Variants in ATXN1 observed in about 807,000 individuals in gnomAD.
The protein encoded by ATXN1 is ataxin-1.
In ATXN1, 8 loss-of-function variants were observed where a neutral mutation model predicts 56.4. The ratio of observed to expected loss-of-function variants is 0.14; its 90% CI spans 0.08 to 0.26. ATXN1 has a LOEUF of 0.26. Among genes scored for constraint, ATXN1 ranks in the 10% least tolerant of loss-of-function variants. The pLI is 1.00. For synonymous variants in ATXN1, 514 were observed against 494.6 expected (o/e 1.04, Z -0.52); for missense variants, 987 against 1,106.5 (o/e 0.89, Z 1.53).
chr6:16,553,242 T>G (rs932982027), intron 4 of ATXN1, among the ~76,000 whole-genome samples: 6 of 152,228 alleles, frequency 3.9e-5, no homozygotes, highest in Non-Finnish European at 8.8e-5. Flanking sequence ...TCTCGAACAC[T>G]TATTACAAAT....
chr6:16,306,460 T>A lies in ATXN1; in HGVS notation c.2317A>T (p.Arg773Trp). Reference sequence around the variant, plus strand: ...TTGCGGCTCTCTGGCGCCGACCACCTCCTCTTCCTCGTTGCCGCGGGCTTG... The same window carrying A: ...TTGCGGCTCTCTGGCGCCGACCACCACCTCTTCCTCGTTGCCGCGGGCTTG... ...PSKPAATRKR[R>W]WSAPESRKLE... The change falls in exon 8 of 8, where the codon AGG (arginine) becomes TGG (tryptophan). Residue 773 changes from arginine to tryptophan, a missense_variant. Transcript: ENST00000436367. This position sits in a 1 kb window ranked among gnomAD's most constrained non-coding sequence, Gnocchi z 5.2. The A allele has an allele frequency of 6.2e-7, 1 of 1,614,164 alleles. No homozygotes were observed. Among genetic ancestry groups the A allele is most frequent in the East Asian group, 2.2e-5 (1 of 44,880 alleles).
intron 6 of ATXN1, among the ~76,000 whole-genome samples, chr6:16,376,179 G>A (rs189356435): frequency 1.8e-3 from 276 of 152,300 alleles, no homozygotes; most frequent in Non-Finnish European, 1.7e-3. Context: ...GAACTCTCCT[G>A]GCAAGATACG....
At chr6:16,443,824 T>C (rs565076354) in intron 6 of ATXN1, among the ~76,000 whole-genome samples, 48 of 152,196 alleles carry the variant, frequency 3.2e-4, no homozygotes, top group Admixed American at 1.0e-3. Flanking sequence ...CCTTAAAAAA[T>C]ACGTACACAC....
intron 6 of ATXN1, among the ~76,000 whole-genome samples, chr6:16,355,789 C>T (rs1761673929): frequency 6.6e-6 from 1 of 152,276 alleles, no homozygotes; most frequent in Non-Finnish European, 1.5e-5. Flanking sequence ...GTCTTGAATT[C>T]CTGACCTCAG....
At chr6:16,417,485 C>T (rs1367385986) in intron 6 of ATXN1, among the ~76,000 whole-genome samples, 4 of 143,936 alleles carry the variant, frequency 2.8e-5, no homozygotes, top group African/African-American at 1.0e-4. Context: ...GTCACCCAGG[C>T]TGGAGAGCAG....
At chr6:16,380,078 C>T (rs1762220523) in intron 6 of ATXN1, among the ~76,000 whole-genome samples, 1 of 152,196 alleles carries the variant, frequency 6.6e-6, no homozygotes, top group Admixed American at 6.5e-5. Flanking sequence ...GCGGGTACTT[C>T]CCTGATTTTG....
At chr6:16,734,400 A>C (rs1394899494) in intron 2 of ATXN1, among the ~76,000 whole-genome samples, 4 of 152,208 alleles carry the variant, frequency 2.6e-5, no homozygotes, top group Non-Finnish European at 4.4e-5. Context: ...GTGCGAGAAA[A>C]GAAGGAAGAA....
At chr6:16,383,997 G>A (rs1417171918) in intron 6 of ATXN1, among the ~76,000 whole-genome samples, 2 of 152,176 alleles carry the variant, frequency 1.3e-5, no homozygotes, top group Non-Finnish European at 2.9e-5. Flanking sequence ...TCATGCCAAG[G>A]TTATGTGGGG....
In ATXN1 at chr6:16,301,129, A is replaced by T. The variant is rs1760085987; in HGVS notation, c.*5200T>A. 6.6e-6 allele frequency: 1 copy of T among 151,674 alleles called. No homozygotes were observed. The highest frequency in any genetic ancestry group is 6.6e-5 in the Admixed American group (1 of 15,146). The allele number at this position is 151,674 out of a possible 1,614,324, so 9.4% of individuals were successfully genotyped here. On this transcript the variant is annotated 3_prime_UTR_variant, in exon 8 of 8. Transcript: ENST00000436367. ...AAAGTATGAAACTCATTGTTTCAAC[A>T]GAGCCATATCTTTCAAACACTGAAT...
chr6:16,719,178 C>T (rs1178975868), intron 2 of ATXN1, among the ~76,000 whole-genome samples: 1 of 152,176 alleles, frequency 6.6e-6, no homozygotes, highest in Non-Finnish European at 1.5e-5. Context: ...ATAAGCACAA[C>T]AAATTTTAAA....
chr6:16,632,423 T>A (rs1763520795), intron 3 of ATXN1, among the ~76,000 whole-genome samples: 1 of 152,196 alleles, frequency 6.6e-6, no homozygotes, highest in Non-Finnish European at 1.5e-5. Flanking sequence ...CATGAGATTG[T>A]TAGGCAGAAG....
chr6:16,541,876 G>A lies in ATXN1; in HGVS notation c.-360-19188C>T, dbSNP rs115389105. Among the ~76,000 whole-genome samples, 1,070 of 152,240 alleles carry A rather than the reference G, an allele frequency of 7.0e-3. 12 individuals are homozygous for A. Among genetic ancestry groups the A allele is most frequent in the African/African-American group, 0.025 (1,025 of 41,536 alleles). ...GGCACAACTAAAACTCAGGATTTCTGACATCTTGCCCCTGAGCACCCAAAA... is the reference window on the plus strand; with the variant it reads ...GGCACAACTAAAACTCAGGATTTCTAACATCTTGCCCCTGAGCACCCAAAA... On this transcript the variant is annotated intron_variant, in intron 4 of 7. Transcript: ENST00000436367.
intron 4 of ATXN1, among the ~76,000 whole-genome samples, chr6:16,582,550 A>T (rs1762548602): frequency 6.6e-6 from 1 of 152,190 alleles, no homozygotes; most frequent in African/African-American, 2.4e-5. Flanking sequence ...TTGCGAACTA[A>T]GATTTCAACA....
rs143821277 is a variant in ATXN1 at position 16,574,785 on chromosome 6, G to A, written c.-361+10995C>T. Among the ~76,000 whole-genome samples, 174 of 150,330 alleles carry A rather than the reference G, an allele frequency of 1.2e-3. 1 individual carries two copies. The highest frequency in any genetic ancestry group is 1.8e-3 in the Non-Finnish European group (121 of 67,894). The stretch of plus-strand genomic sequence containing the variant: ...TCACGACTACTCAACAAACCGTAGG[G>A]TGTATTAGGATTTCACCAGTTTTTG... On this transcript the variant is annotated intron_variant, in intron 4 of 7. Coordinates refer to ENST00000436367, the MANE Select transcript of ATXN1 (RefSeq NM_001128164.2).
In ATXN1 at chr6:16,557,111, G is replaced by A. The variant is rs902962020; in HGVS notation, c.-361+28669C>T. Among the ~76,000 whole-genome samples the A allele has an allele frequency of 5.9e-5, 9 of 152,208 alleles. No individual in the cohort carries two copies. In the South Asian group the frequency reaches 1.7e-3, roughly 28 times the overall value. ...GGGCGAGGTGGGCAGATCACTTGAG[G>A]TCAGGAGTTCGAGACCAGCCTAACC... On this transcript the variant is annotated intron_variant, in intron 4 of 7. Transcript: ENST00000436367.
In ATXN1 at chr6:16,468,828, T is replaced by C. The variant is rs949074141; in HGVS notation, c.-161+17144A>G. 4.6e-5 allele frequency among the ~76,000 whole-genome samples: 7 copies of C among 152,030 alleles called. No homozygotes were observed. The East Asian group carries it at 9.6e-4, about 21-fold the overall frequency. On this transcript the variant is annotated intron_variant, in intron 6 of 7. Transcript: ENST00000436367. ...GTTTTCAGATGCTTGAGAATATACA[T>C]TGAAACATCACCTTACTTTTGAACA...
intron 5 of ATXN1, among the ~76,000 whole-genome samples, chr6:16,509,788 C>G (rs1323402606): frequency 6.6e-6 from 1 of 152,164 alleles, no homozygotes; most frequent in Non-Finnish European, 1.5e-5. Context: ...GAATTAAGTC[C>G]AGAGTTTCCA....
At chr6:16,574,390 G>A (rs1425770669) in intron 4 of ATXN1, among the ~76,000 whole-genome samples, 3 of 152,160 alleles carry the variant, frequency 2.0e-5, no homozygotes, top group East Asian at 3.8e-4. Flanking sequence ...TGTATTTTTA[G>A]TAGAAACGGG....
In ATXN1 at chr6:16,328,194, C is replaced by T. The variant is rs373340050; in HGVS notation, c.117G>A (p.Arg39=). 2.0e-4 allele frequency: 314 copies of T among 1,597,578 alleles called. No individual in the cohort carries two copies. The highest frequency in any genetic ancestry group is 2.5e-4 in the Non-Finnish European group (294 of 1,169,540). ...CCGGGAGCCATGCTGTGCCCTCCAC[C>T]CGGTGGTTGTCGCTGGGCAGGGTAG... ...KAPTLPSDNH[R]VEGTAWLPGN... The change falls in exon 7 of 8, where the codon CGG becomes CGA. Residue 39 remains arginine (R), a synonymous_variant. Coordinates refer to ENST00000436367, the MANE Select transcript of ATXN1 (RefSeq NM_001128164.2). The surrounding 1 kb of genome is among the most constrained non-coding windows in gnomAD (Gnocchi z 6.2).
Sources: gnomAD v4.1 joint callset for allele counts (sites outside exome capture counted in the v4.1 genomes callset) on GRCh38, gnomAD v4.1.1 for gene constraint, Gnocchi (gnomAD v3.1) non-coding constraint, MANE v1.5 for transcripts, NCBI Gene and HGNC (gene_info 2026-07-23, HGNC 2026-07-21) for gene names.